The following CADM2 variants were observed in gnomAD, a reference collection of about 807,000 sequenced individuals.
CADM2 encodes cell adhesion molecule 2.
CADM2 carries 12 observed loss-of-function variants against 49.8 expected under a neutral mutation model. That is an observed-to-expected ratio of 0.24 (90% CI 0.15 to 0.39). CADM2 has a LOEUF of 0.39. CADM2 is among the 10% of genes least tolerant of loss of function. The pLI, the probability that CADM2 is intolerant of heterozygous loss-of-function variation, is 1.00. For synonymous variants in CADM2, 214 were observed against 175.4 expected (o/e 1.22, Z -1.74); for missense variants, 378 against 492.3 (o/e 0.77, Z 2.20).
chr3:85,637,640 T>TA (rs1393921606), intron 1 of CADM2, among the ~76,000 whole-genome samples: 3 of 74,578 alleles, frequency 4.0e-5, no homozygotes, highest in Non-Finnish European at 8.7e-5. Flanking sequence ...ATAAAATAAA[T>TA]AAATAAATAA....
chr3:85,907,639 G>T (rs1331086763), intron 5 of CADM2, among the ~76,000 whole-genome samples: 1 of 152,072 alleles, frequency 6.6e-6, no homozygotes, highest in Non-Finnish European at 1.5e-5. Context: ...GGCTGGACAC[G>T]GTGGCTCACA....
intron 1 of CADM2, among the ~76,000 whole-genome samples, chr3:85,517,443 A>G (rs1374381233): frequency 1.3e-5 from 2 of 152,140 alleles, no homozygotes; most frequent in Non-Finnish European, 2.9e-5. Context: ...ATGAGAATAT[A>G]TATCAACTTA....
chr3:85,978,710 A>G (rs994131382), intron 8 of CADM2, among the ~76,000 whole-genome samples: 1 of 151,748 alleles, frequency 6.6e-6, no homozygotes, highest in Admixed American at 6.6e-5. Context: ...AAAAAAATCA[A>G]AAAGCATTTA....
At chr3:85,423,392 G>A (rs764801349) in intron 1 of CADM2, among the ~76,000 whole-genome samples, 1 of 152,084 alleles carries the variant, frequency 6.6e-6, no homozygotes. Context: ...TGAGGTTGGA[G>A]CCCTCACCAG....
At chr3:85,710,476 A>T (rs2067085130) in intron 1 of CADM2, among the ~76,000 whole-genome samples, 1 of 152,156 alleles carries the variant, frequency 6.6e-6, no homozygotes, top group African/African-American at 2.4e-5. Flanking sequence ...CTTTTATATT[A>T]TCTTGACTTG....
Position 85,280,250 on chromosome 3 carries a change from G to A in CADM2, c.61+320582G>A, listed in dbSNP as rs115845555. On this transcript the variant is annotated intron_variant, in intron 1 of 9. Coordinates refer to ENST00000383699, the MANE Select transcript of CADM2 (RefSeq NM_001167675.2). ...ATTGTGATGAACTCCCTCAACTTTCGCTTGTCTGAAAAGGTCTTTATTTCT... is the reference window on the plus strand; with the variant it reads ...ATTGTGATGAACTCCCTCAACTTTCACTTGTCTGAAAAGGTCTTTATTTCT... 7.8e-3 allele frequency among the ~76,000 whole-genome samples: 1,179 copies of A among 151,512 alleles called. 17 individuals are homozygous for A. Among genetic ancestry groups the A allele is most frequent in the African/African-American group, 0.027 (1,124 of 41,438 alleles).
chr3:85,513,136 T>C (rs2060810937), intron 1 of CADM2, among the ~76,000 whole-genome samples: 1 of 152,068 alleles, frequency 6.6e-6, no homozygotes, highest in Non-Finnish European at 1.5e-5. Flanking sequence ...GCTTATTTCA[T>C]GCTTAAGTTG....
intron 8 of CADM2, among the ~76,000 whole-genome samples, chr3:85,995,933 CA>C (rs1233595075): frequency 6.6e-6 from 1 of 151,060 alleles, no homozygotes; most frequent in Non-Finnish European, 1.5e-5. Flanking sequence ...ATTAAAAATA[CA>C]AAAAAATTAG....
At chr3:85,728,361 T>G (rs905115178) in intron 2 of CADM2, among the ~76,000 whole-genome samples, 1 of 152,154 alleles carries the variant, frequency 6.6e-6, no homozygotes, top group Non-Finnish European at 1.5e-5. Context: ...ATGCTTATAT[T>G]TTTGCATCTA....
At chr3:85,452,469 T>A (rs577787458) in intron 1 of CADM2, among the ~76,000 whole-genome samples, 3 of 152,288 alleles carry the variant, frequency 2.0e-5, no homozygotes, top group Non-Finnish European at 4.4e-5. Flanking sequence ...GTACTGGCTC[T>A]GTGTTTTGTT....
intron 1 of CADM2, among the ~76,000 whole-genome samples, chr3:85,615,378 A>G (rs1321171894): frequency 6.6e-6 from 1 of 152,004 alleles, no homozygotes; most frequent in Admixed American, 6.6e-5. Flanking sequence ...CTGTCTAGCC[A>G]GTTGTTTTCC....
chr3:85,413,139 A>AAAT lies in CADM2; in HGVS notation c.62-313381_62-313380insTAA, dbSNP rs1491322397. On this transcript the variant is annotated intron_variant, in intron 1 of 9. Transcript: ENST00000383699. ...CTGGGCGACAGCAAGACTCCGTCTC[A>AAAT]AAAAAAAAAAAAAAAAAAAAAAAAT... Among the ~76,000 whole-genome samples the AAAT allele has an allele frequency of 9.2e-5, 6 of 65,074 alleles. No individual in the cohort carries two copies. The South Asian group carries it at 1.5e-3, about 16-fold the overall frequency. The allele number at this position is 65,074 out of a possible 152,430, so 42.7% of individuals were successfully genotyped here.
chr3:85,499,025 A>G (rs1226933574), intron 1 of CADM2, among the ~76,000 whole-genome samples: 1 of 152,144 alleles, frequency 6.6e-6, no homozygotes, highest in Non-Finnish European at 1.5e-5. Context: ...CCAGGATTTT[A>G]TTGATTTCAA....
chr3:85,701,316 A>G (rs1481547778), intron 1 of CADM2, among the ~76,000 whole-genome samples: 6 of 152,158 alleles, frequency 3.9e-5, no homozygotes, highest in Non-Finnish European at 7.4e-5. Context: ...CTGGGATTAC[A>G]TTACAACATG....
At chr3:85,869,807 C>T (rs1274803888) in intron 3 of CADM2, among the ~76,000 whole-genome samples, 4 of 151,920 alleles carry the variant, frequency 2.6e-5, no homozygotes, top group Admixed American at 1.3e-4. Flanking sequence ...TACAGGTGCC[C>T]GCCACCACGG....
chr3:85,382,501 C>T (rs984419440), intron 1 of CADM2, among the ~76,000 whole-genome samples: 7 of 152,076 alleles, frequency 4.6e-5, no homozygotes, highest in Non-Finnish European at 8.8e-5. Flanking sequence ...TCATGATTAC[C>T]GCATATTTAC....
chr3:85,958,081 A>G (rs1392302679), intron 7 of CADM2, among the ~76,000 whole-genome samples: 1 of 152,014 alleles, frequency 6.6e-6, no homozygotes, highest in Non-Finnish European at 1.5e-5. Context: ...ATCTACAAGG[A>G]GCTTAAACCA....
At chr3:85,741,423 A>G (rs926361212) in intron 2 of CADM2, among the ~76,000 whole-genome samples, 1 of 152,020 alleles carries the variant, frequency 6.6e-6, no homozygotes, top group Non-Finnish European at 1.5e-5. Context: ...TATTCCCAGC[A>G]CTTTGGAAGG....
chr3:85,764,256 A>G (rs2069543277), intron 2 of CADM2, among the ~76,000 whole-genome samples: 2 of 152,140 alleles, frequency 1.3e-5, no homozygotes, highest in South Asian at 2.1e-4. Flanking sequence ...ATGGTGATAC[A>G]CTATAAAGTA....
Sources: gnomAD v4.1 joint callset for allele counts (sites outside exome capture counted in the v4.1 genomes callset) on GRCh38, gnomAD v4.1.1 for gene constraint, MANE v1.5 for transcripts, NCBI Gene and HGNC (gene_info 2026-07-23, HGNC 2026-07-21) for gene names.